C1QTNF7: variants seen among roughly 807,000 people sequenced by gnomAD.
C1QTNF7 encodes complement C1q tumor necrosis factor-related protein 7.
A neutral mutation model predicts 19.6 loss-of-function variants in C1QTNF7; 15 were observed. The ratio of observed to expected loss-of-function variants is 0.76; its 90% CI spans 0.51 to 1.18. C1QTNF7 has a LOEUF of 1.18. Among genes scored for constraint, C1QTNF7 ranks in the 50% most tolerant of loss-of-function variants. The pLI is 0.00. For missense variants in C1QTNF7, 324 were observed against 359.7 expected (o/e 0.90, Z 0.80); for synonymous variants, 142 against 137.5 (o/e 1.03, Z -0.23).
At chr4:15,441,725 T>C (rs926185865) in intron 2 of C1QTNF7, among the ~76,000 whole-genome samples, 1 of 152,210 alleles carries the variant, frequency 6.6e-6, no homozygotes, top group African/African-American at 2.4e-5. Context: ...AGTGATGTTT[T>C]AAAAGTTTAT....
chr4:15,411,872 C>T (rs925179942), intron 1 of C1QTNF7, among the ~76,000 whole-genome samples: 1 of 152,128 alleles, frequency 6.6e-6, no homozygotes, highest in Admixed American at 6.5e-5. Flanking sequence ...AGCAGGAGTC[C>T]CCAGTCCCTG....
At chr4:15,366,165 A>G (rs912234325) in intron 1 of C1QTNF7, among the ~76,000 whole-genome samples, 2 of 152,210 alleles carry the variant, frequency 1.3e-5, no homozygotes, top group African/African-American at 4.8e-5. Context: ...TAAGATGAAC[A>G]GCTTTTCCTG....
At chr4:15,381,395 C>T (rs568435832) in intron 1 of C1QTNF7, among the ~76,000 whole-genome samples, 1 of 146,170 alleles carries the variant, frequency 6.8e-6, no homozygotes, top group East Asian at 2.0e-4. Flanking sequence ...GCACTCAAGC[C>T]TGGGCAACAG....
In C1QTNF7 at chr4:15,442,461, T is replaced by C; in HGVS notation, c.532T>C (p.Tyr178His). The C allele has an allele frequency of 1.2e-6, 2 of 1,614,194 alleles. No homozygotes were observed. Among genetic ancestry groups the C allele is most frequent in the Middle Eastern group, 1.6e-4 (1 of 6,062 alleles). ...NKVLFNEGEH[Y>H]NPATGKFICA... is the part of the protein sequence containing the mutation. ...GGTCCTCTTCAACGAGGGAGAGCAC[T>C]ACAACCCTGCCACAGGGAAGTTCAT... Residue 178 changes from tyrosine (Y) to histidine (H), a missense_variant, in exon 3 of 3, where the codon TAC becomes CAC. Tyr to His is a moderately conservative substitution (Grantham distance 83). Transcript: ENST00000444304.
intron 2 of C1QTNF7, among the ~76,000 whole-genome samples, chr4:15,436,695 C>T (rs1712550999): frequency 6.6e-6 from 1 of 152,192 alleles, no homozygotes; most frequent in Admixed American, 6.5e-5. Context: ...GTCCGGGAAG[C>T]TTGCCAGATT....
At chr4:15,379,298 G>T (rs1277943894) in intron 1 of C1QTNF7, among the ~76,000 whole-genome samples, 2 of 152,138 alleles carry the variant, frequency 1.3e-5, no homozygotes, top group Non-Finnish European at 2.9e-5. Flanking sequence ...ATGCTTCTTG[G>T]GATCCGACAC....
At position 15,444,498 on chromosome 4, in the gene C1QTNF7, G is replaced by C. The variant is rs1270469698; in HGVS notation, c.*1699G>C. The stretch of plus-strand genomic sequence containing the variant: ...AGAGGCACTCTTCACTTCCCAGACA[G>C]AGGGGCGGCCGGGCAGAGGTGCTCC... On this transcript the variant is annotated 3_prime_UTR_variant, in exon 3 of 3. Transcript: ENST00000444304. The C allele has an allele frequency of 6.6e-6, 1 of 152,154 alleles. No homozygotes were observed. The highest frequency in any genetic ancestry group is 1.5e-5 in the Non-Finnish European group (1 of 68,072). 9.4% of individuals were successfully genotyped at this position (152,154 alleles called of 1,614,324 possible). A position where few individuals can be genotyped will look rare whatever the true frequency, so the allele number is the denominator to read the frequency against.
chr4:15,419,655 C>G (rs954627071), intron 1 of C1QTNF7, among the ~76,000 whole-genome samples: 14 of 151,924 alleles, frequency 9.2e-5, no homozygotes, highest in African/African-American at 3.4e-4. Flanking sequence ...CCTGATATTT[C>G]GTGAGCGTAT....
chr4:15,419,733 A>T lies in C1QTNF7; in HGVS notation c.14-16003A>T, dbSNP rs141341770. ...TAATATATGAGGTTAAAAAAATAGC[A>T]TATGTATTTTGATCAAAAAGTGTAT... On this transcript the variant is annotated intron_variant, in intron 1 of 2. Transcript: ENST00000295297. 9.3e-4 allele frequency among the ~76,000 whole-genome samples: 142 copies of T among 152,326 alleles called. 2 individuals carry two copies. Among genetic ancestry groups the T allele is most frequent in the Admixed American group, 2.8e-3 (43 of 15,296 alleles).
intron 1 of C1QTNF7, chr4:15,340,342 T>G (rs1434251580): frequency 8.6e-7 from 1 of 1,161,444 alleles, no homozygotes; most frequent in African/African-American, 1.6e-5. Context: ...CAACAAATGA[T>G]AAATCAGAGG....
chr4:15,407,656 A>T (rs34971067), intron 1 of C1QTNF7, among the ~76,000 whole-genome samples: 1 of 152,116 alleles, frequency 6.6e-6, no homozygotes, highest in South Asian at 2.1e-4. Flanking sequence ...GACAAAGAGC[A>T]TTAGTAAAAA....
chr4:15,385,248 T>G (rs1043843368), intron 1 of C1QTNF7, among the ~76,000 whole-genome samples: 4 of 152,158 alleles, frequency 2.6e-5, no homozygotes, highest in African/African-American at 9.6e-5. Context: ...CTTTAGCCCC[T>G]TAGAGTCCAC....
At chr4:15,406,587 C>T (rs556744898) in intron 1 of C1QTNF7, among the ~76,000 whole-genome samples, 1 of 152,206 alleles carries the variant, frequency 6.6e-6, no homozygotes, top group South Asian at 2.1e-4. Flanking sequence ...GAAAATGATG[C>T]ACAAAGAGTT....
chr4:15,417,137 T>A (rs994724933), intron 1 of C1QTNF7, among the ~76,000 whole-genome samples: 1 of 152,228 alleles, frequency 6.6e-6, no homozygotes, highest in Non-Finnish European at 1.5e-5. Flanking sequence ...CATTCCCATG[T>A]ATACTTTTAA....
intron 1 of C1QTNF7, among the ~76,000 whole-genome samples, chr4:15,379,772 TC>T (rs2108889777): frequency 6.6e-6 from 1 of 152,370 alleles, no homozygotes; most frequent in South Asian, 2.1e-4. Context: ...AGATCAGTTA[TC>T]ATATATGTCT....
chr4:15,417,238 T>C (rs2108922246), intron 1 of C1QTNF7, among the ~76,000 whole-genome samples: 1 of 152,352 alleles, frequency 6.6e-6, no homozygotes, highest in Admixed American at 6.5e-5. Flanking sequence ...AACAATCTTG[T>C]GCAGCCACCA....
intron 1 of C1QTNF7, among the ~76,000 whole-genome samples, chr4:15,341,016 A>G (rs1716518798): frequency 6.6e-6 from 1 of 152,144 alleles, no homozygotes; most frequent in Admixed American, 6.5e-5. Context: ...TTCCCTGAGA[A>G]TGTCTCTGTT....
intron 1 of C1QTNF7, among the ~76,000 whole-genome samples, chr4:15,363,300 A>T (rs1335139554): frequency 3.3e-5 from 5 of 151,286 alleles, no homozygotes; most frequent in Admixed American, 6.6e-5. Context: ...TCTTTTTTTT[A>T]AAGACATGTT....
chr4:15,438,860 G>A (rs1712637006), intron 2 of C1QTNF7, among the ~76,000 whole-genome samples: 1 of 152,142 alleles, frequency 6.6e-6, no homozygotes, highest in Non-Finnish European at 1.5e-5. Context: ...GTCCATGACT[G>A]GTATGTAGCA....
Sources: gnomAD v4.1 joint callset for allele counts (sites outside exome capture counted in the v4.1 genomes callset) on GRCh38, gnomAD v4.1.1 for gene constraint, MANE v1.5 for transcripts, NCBI Gene and HGNC (gene_info 2026-07-23, HGNC 2026-07-21) for gene names.